Variants in SREK1IP1 observed in about 807,000 individuals in gnomAD.
SREK1IP1 encodes SREK1 interacting protein 1.
SREK1IP1 carries 12 observed loss-of-function variants against 22.8 expected under a neutral mutation model. That is an observed-to-expected ratio of 0.53 (90% CI 0.34 to 0.85). The LOEUF (loss-of-function observed/expected upper bound fraction) is 0.85. Among genes scored for constraint, SREK1IP1 ranks in the 40% least tolerant of loss-of-function variants. The pLI is 0.02. For missense variants in SREK1IP1, 147 were observed against 171.8 expected (o/e 0.86, Z 0.81); for synonymous variants, 53 against 52.7 (o/e 1.01, Z -0.02).
rs928841186 is a variant in SREK1IP1, at chr5:64,718,556, ATT to A, written c.*5826_*5827del. The stretch of plus-strand genomic sequence containing the variant: ...ACAATGTATAATCTGTACAATAAAT[ATT>A]TTGTTTCAAGAGATAAGCATAACAA... On this transcript the variant is annotated 3_prime_UTR_variant, in exon 5 of 5. Transcript: ENST00000513458. The A allele has an allele frequency of 6.6e-6, 1 of 152,164 alleles. No homozygotes were observed. The highest frequency in any genetic ancestry group is 2.4e-5 in the African/African-American group (1 of 41,462). The allele number at this position is 152,164 out of a possible 1,614,324, so 9.4% of individuals were successfully genotyped here.
At chr5:64,736,221 T>C (rs1423693697) in intron 3 of SREK1IP1, among the ~76,000 whole-genome samples, 1 of 151,890 alleles carries the variant, frequency 6.6e-6, no homozygotes, top group Admixed American at 6.6e-5. Context: ...AAAAAAAAAA[T>C]GTGTATTTTG....
rs191548520 is a variant in SREK1IP1, at chr5:64,759,351, C to T, written c.14-4989G>A. ...AGAGCTATATTGTGAGGTCCTTACT[C>T]AGCTAAGTTACCTACTTCCCTGCCT... On this transcript the variant is annotated intron_variant, in intron 1 of 4. Transcript: ENST00000513458. Among the ~76,000 whole-genome samples the T allele has an allele frequency of 9.9e-5, 15 of 152,254 alleles. No individual in the cohort carries two copies. In the East Asian group the frequency reaches 2.7e-3, roughly 27 times the overall value.
chr5:64,733,880 T>C (rs766840803), intron 3 of SREK1IP1, among the ~76,000 whole-genome samples: 22 of 152,134 alleles, frequency 1.4e-4, no homozygotes, highest in Non-Finnish European at 3.1e-4. Context: ...GGTTACATAC[T>C]GTAAGATTCT....
chr5:64,737,889 G>A (rs866387971), intron 3 of SREK1IP1, among the ~76,000 whole-genome samples: 6 of 152,058 alleles, frequency 3.9e-5, no homozygotes, highest in Non-Finnish European at 8.8e-5. Context: ...TGAAGAAATC[G>A]AAAATAGGAA....
chr5:64,727,553 A>ATATATATATATATATTTTTTTT lies in SREK1IP1; in HGVS notation c.278+553_278+554insAAAAAAAATATATATATATATA. On this transcript the variant is annotated intron_variant, in intron 4 of 4. Transcript: ENST00000513458. ...TACATATATATATATATATATATAT[A>ATATATATATATATATTTTTTTT]TTTTTTTTTTTTTGGTGGGCGGGGG... 17 of 84,668 alleles carry ATATATATATATATATTTTTTTT rather than the reference A, an allele frequency of 2.0e-4. 1 individual carries two copies. The highest frequency in any genetic ancestry group is 7.1e-4 in the African/African-American group (13 of 18,208). 5.2% of individuals were successfully genotyped at this position (84,668 alleles called of 1,614,324 possible).
At chr5:64,730,149 G>A (rs559264467) in intron 3 of SREK1IP1, among the ~76,000 whole-genome samples, 2 of 152,256 alleles carry the variant, frequency 1.3e-5, no homozygotes, top group Non-Finnish European at 2.9e-5. Flanking sequence ...GAAGGGCCAC[G>A]GGGTTGGAAG....
intron 3 of SREK1IP1, among the ~76,000 whole-genome samples, chr5:64,735,423 A>G (rs1469385332): frequency 1.3e-5 from 2 of 151,998 alleles, no homozygotes; most frequent in Non-Finnish European, 2.9e-5. Flanking sequence ...CCTCCCTTCA[A>G]TTTTTAAAAA....
In SREK1IP1 at chr5:64,721,929, C is replaced by G. The variant is rs1742170239; in HGVS notation, c.*2455G>C. The G allele has an allele frequency of 6.6e-6, 1 of 151,794 alleles. No homozygotes were observed. Among genetic ancestry groups the G allele is most frequent in the Non-Finnish European group, 1.5e-5 (1 of 67,950 alleles). The allele number at this position is 151,794 out of a possible 1,614,324, so 9.4% of individuals were successfully genotyped here. A position where few individuals can be genotyped will look rare whatever the true frequency, so the allele number is the denominator to read the frequency against. ...ACAATATTTTATAGACGAAAGACAC[C>G]AAGGCCCAGGGAAACTAAGTGACTT... On this transcript the variant is annotated 3_prime_UTR_variant, in exon 5 of 5. Coordinates refer to ENST00000513458, the MANE Select transcript of SREK1IP1 (RefSeq NM_173829.4).
chr5:64,731,521 CAAAA>C (rs10599290), intron 3 of SREK1IP1, among the ~76,000 whole-genome samples: 7 of 74,662 alleles, frequency 9.4e-5, no homozygotes, highest in Non-Finnish European at 9.1e-5. Context: ...GCCCTTGTCT[CAAAA>C]AAAAAAAAAA....
intron 1 of SREK1IP1, among the ~76,000 whole-genome samples, chr5:64,760,218 C>T (rs6449755): frequency 0.063 from 9,570 of 152,212 alleles, 969 homozygotes; most frequent in African/African-American, 0.22. Context: ...TTATGGCATG[C>T]TGCCATTCGT....
At chr5:64,737,577 GAAAA>G (rs147783484) in intron 3 of SREK1IP1, among the ~76,000 whole-genome samples, 2 of 110,504 alleles carry the variant, frequency 1.8e-5, no homozygotes, top group Non-Finnish European at 4.0e-5. Context: ...TAAGAAACTA[GAAAA>G]AAAAAACACA....
intron 1 of SREK1IP1, among the ~76,000 whole-genome samples, chr5:64,763,748 G>T (rs1434690608): frequency 1.3e-5 from 2 of 152,154 alleles, no homozygotes; most frequent in South Asian, 2.1e-4. Flanking sequence ...CGATGTTAGA[G>T]AAGCCATAGG....
At position 64,721,332 on chromosome 5, in the gene SREK1IP1, T is replaced by C. The variant is rs1433604833; in HGVS notation, c.*3052A>G. ...ACGTTAGGTACTCAATAAATATTTGTTGAAGAAAGGATTCAATGGCATTTT... is the reference window on the plus strand; with the variant it reads ...ACGTTAGGTACTCAATAAATATTTGCTGAAGAAAGGATTCAATGGCATTTT... On this transcript the variant is annotated 3_prime_UTR_variant, in exon 5 of 5. Coordinates refer to ENST00000513458, the MANE Select transcript of SREK1IP1 (RefSeq NM_173829.4). 3 of 152,216 alleles carry C rather than the reference T, an allele frequency of 2.0e-5. No homozygotes were observed. Among genetic ancestry groups the C allele is most frequent in the Non-Finnish European group, 4.4e-5 (3 of 68,044 alleles). 9.4% of individuals were successfully genotyped at this position (152,216 alleles called of 1,614,324 possible).
At chr5:64,751,623 C>T (rs1024334233) in intron 2 of SREK1IP1, among the ~76,000 whole-genome samples, 2 of 152,230 alleles carry the variant, frequency 1.3e-5, no homozygotes, top group African/African-American at 4.8e-5. Flanking sequence ...AATCTTTGGG[C>T]TCTACATAGT....
chr5:64,761,909 C>T lies in SREK1IP1; in HGVS notation c.13+6596G>A, dbSNP rs181728215. Among the ~76,000 whole-genome samples the T allele has an allele frequency of 2.0e-4, 31 of 151,770 alleles. 1 individual carries two copies. The East Asian group carries it at 4.6e-3, about 23-fold the overall frequency. On this transcript the variant is annotated intron_variant, in intron 1 of 4. Coordinates refer to ENST00000513458, the MANE Select transcript of SREK1IP1 (RefSeq NM_173829.4). Reference sequence around the variant, plus strand: ...AAATTTTAAAGTTAACAGTAGACAACGAAGAAACAGAAAATATTGAGAAAA... The same window carrying T: ...AAATTTTAAAGTTAACAGTAGACAATGAAGAAACAGAAAATATTGAGAAAA...
chr5:64,765,381 T>C (rs1743017874), intron 1 of SREK1IP1, among the ~76,000 whole-genome samples: 1 of 152,222 alleles, frequency 6.6e-6, no homozygotes, highest in Non-Finnish European at 1.5e-5. Flanking sequence ...TACCTTGTCA[T>C]AATCACTAGC....
intron 3 of SREK1IP1, among the ~76,000 whole-genome samples, chr5:64,731,893 T>C (rs376725395): frequency 6.6e-6 from 1 of 152,140 alleles, no homozygotes; most frequent in East Asian, 1.9e-4. Context: ...GCCACCTCTT[T>C]CTTGCATGCT....
chr5:64,755,914 A>G (rs901552447), intron 1 of SREK1IP1, among the ~76,000 whole-genome samples: 1 of 151,974 alleles, frequency 6.6e-6, no homozygotes, highest in Non-Finnish European at 1.5e-5. Context: ...GAAGGAAAAA[A>G]TATCTAATTT....
intron 3 of SREK1IP1, among the ~76,000 whole-genome samples, chr5:64,739,040 G>A (rs1410536789): frequency 6.6e-6 from 1 of 152,096 alleles, no homozygotes; most frequent in East Asian, 1.9e-4. Flanking sequence ...GATCCTGGAA[G>A]CCTGGATTAT....
Sources: allele counts gnomAD v4.1 joint callset (sites outside exome capture counted in the v4.1 genomes callset), GRCh38; gene constraint gnomAD v4.1.1; transcripts MANE v1.5; gene names NCBI Gene and HGNC (gene_info 2026-07-23, HGNC 2026-07-21).